The following LOC400499 variants were observed in gnomAD, a reference collection of about 807,000 sequenced individuals.
chr16:11,393,157 C>T, the LOC400499 span, among the ~76,000 whole-genome samples: 1 of 117,890 alleles, frequency 8.5e-6, no homozygotes, highest in South Asian at 2.2e-4. Context: ...CCTGGCCACC[C>T]CCCCCCCTTT....
chr16:11,462,226 C>T, the LOC400499 span: 11 of 1,533,800 alleles, frequency 7.2e-6, no homozygotes, highest in East Asian at 2.5e-5. Flanking sequence ...GGCTGCCCCC[C>T]GTCACCAGTT....
At chr16:11,450,958 T>C in the LOC400499 span, 1 of 735,746 alleles carries the variant, frequency 1.4e-6, no homozygotes, top group Non-Finnish European at 2.2e-6. Context: ...ATGAGGGAAC[T>C]TTCTAGGACG....
the LOC400499 span, among the ~76,000 whole-genome samples, chr16:11,420,735 A>C: frequency 6.6e-6 from 1 of 151,944 alleles, no homozygotes; most frequent in Non-Finnish European, 1.5e-5. Context: ...TGCAACCCAA[A>C]GAATGAGCCG....
the LOC400499 span, among the ~76,000 whole-genome samples, chr16:11,495,795 A>T: frequency 6.6e-6 from 1 of 152,206 alleles, no homozygotes; most frequent in African/African-American, 2.4e-5. Flanking sequence ...AAGCTGAGAC[A>T]CAGGAAGCTG....
chr16:11,485,279 G>C, the LOC400499 span, among the ~76,000 whole-genome samples: 509 of 152,232 alleles, frequency 3.3e-3, 4 homozygotes, highest in African/African-American at 0.011. Flanking sequence ...ATGCCACACG[G>C]TAAGAATTCT....
the LOC400499 span, chr16:11,392,856 TTTTG>T: frequency 7.3e-6 from 7 of 959,734 alleles, no homozygotes; most frequent in Non-Finnish European, 8.7e-6. Flanking sequence ...TCGTTTTTGT[TTTTG>T]TTTTACTTTT....
chr16:11,526,214 G>A, the LOC400499 span, among the ~76,000 whole-genome samples: 2 of 152,126 alleles, frequency 1.3e-5, no homozygotes, highest in Non-Finnish European at 2.9e-5. Context: ...AAATGTTACT[G>A]GTTACAGAGA....
At chr16:11,517,184 T>A in the LOC400499 span, among the ~76,000 whole-genome samples, 1 of 152,028 alleles carries the variant, frequency 6.6e-6, no homozygotes, top group Non-Finnish European at 1.5e-5. Flanking sequence ...ACATCTCCTG[T>A]CTCTTCTTCC....
chr16:11,444,899 T>C, the LOC400499 span, among the ~76,000 whole-genome samples: 4 of 152,000 alleles, frequency 2.6e-5, no homozygotes, highest in East Asian at 3.9e-4. Flanking sequence ...CTGGGCAATA[T>C]AGCAAGACTC....
chr16:11,465,580 AACATAGT>A, the LOC400499 span: 1 of 151,164 alleles, frequency 6.6e-6, no homozygotes, highest in African/African-American at 2.4e-5. Flanking sequence ...GAGCCTAGAC[AACATAGT>A]AAGACCTCGT....
chr16:11,431,193 G>A, the LOC400499 span: 3 of 398,978 alleles, frequency 7.5e-6, no homozygotes, highest in Non-Finnish European at 1.3e-5. Context: ...ACTGTGCTGT[G>A]TTCTGGTCCA....
At chr16:11,462,678 C>T in the LOC400499 span, among the ~76,000 whole-genome samples, 2 of 152,208 alleles carry the variant, frequency 1.3e-5, no homozygotes, top group Non-Finnish European at 2.9e-5. Flanking sequence ...CCGCCCTGGC[C>T]TTCCAAAGTG....
At chr16:11,512,007 G>A in the LOC400499 span, among the ~76,000 whole-genome samples, 1 of 151,994 alleles carries the variant, frequency 6.6e-6, no homozygotes, top group Non-Finnish European at 1.5e-5. Context: ...TTAAGTTGAA[G>A]GCTGGGCACG....
chr16:11,385,976 T>G, the LOC400499 span, among the ~76,000 whole-genome samples: 1 of 151,978 alleles, frequency 6.6e-6, no homozygotes, highest in Non-Finnish European at 1.5e-5. Context: ...GTCAAAGCTA[T>G]GGTGAGCTGA....
the LOC400499 span, among the ~76,000 whole-genome samples, chr16:11,461,853 A>T: frequency 6.6e-6 from 1 of 152,226 alleles, no homozygotes; most frequent in Admixed American, 6.5e-5. Flanking sequence ...TTAAATGCCC[A>T]GTGTATTTTA....
chr16:11,460,070 G>C, the LOC400499 span: 23 of 1,360,822 alleles, frequency 1.7e-5, no homozygotes, highest in East Asian at 4.9e-4. Flanking sequence ...ACACACATGG[G>C]TGGTGAACTG....
the LOC400499 span, among the ~76,000 whole-genome samples, chr16:11,518,630 C>G: frequency 2.6e-5 from 4 of 152,090 alleles, no homozygotes; most frequent in East Asian, 1.9e-4. Flanking sequence ...GAGAAGAGCA[C>G]CTGCGGCTAT....
the LOC400499 span, among the ~76,000 whole-genome samples, chr16:11,466,101 C>A: frequency 6.6e-6 from 1 of 152,112 alleles, no homozygotes; most frequent in African/African-American, 2.4e-5. Flanking sequence ...TATTACACAG[C>A]AATTTGCGCT....
At chr16:11,375,772 C>G in the LOC400499 span, among the ~76,000 whole-genome samples, 1 of 134,972 alleles carries the variant, frequency 7.4e-6, no homozygotes, top group Admixed American at 8.0e-5. Flanking sequence ...TCTTGTTGCC[C>G]AGGCTGGAGT....
Sources: allele counts gnomAD v4.1 joint callset (sites outside exome capture counted in the v4.1 genomes callset), GRCh38; gene constraint gnomAD v4.1.1; transcripts MANE v1.5.